Variants in NFXL1 observed in about 807,000 individuals in gnomAD.
NFXL1 encodes nuclear transcription factor, X-box binding like 1.
In NFXL1, 66 loss-of-function variants were observed where a neutral mutation model predicts 123.3. That is an observed-to-expected ratio of 0.54 (90% CI 0.44 to 0.66). The LOEUF (loss-of-function observed/expected upper bound fraction) is 0.66, where lower values mean the gene tolerates loss of function less well. Ranked by LOEUF, NFXL1 falls within the 30% of genes least tolerant of loss-of-function variation. The pLI is 0.00. For missense variants in NFXL1, 944 were observed against 1,125.6 expected (o/e 0.84, Z 2.31); for synonymous variants, 346 against 360.8 (o/e 0.96, Z 0.46).
chr4:47,883,748 TCAGTTGTAGACAA>T (rs978817237), intron 15 of NFXL1, among the ~76,000 whole-genome samples: 1 of 152,234 alleles, frequency 6.6e-6, no homozygotes, highest in African/African-American at 2.4e-5. Context: ...ATTTGGCACC[TCAGTTGTAGACAA>T]CAGCCCCTTT....
rs1383457041 is a variant in NFXL1, at chr4:47,912,995, C to G, written c.235+974G>C. ...GCCACTGCACTCCAGCCTGGGCGAC[C>G]AGCGAGACTCTGTCTCAAAAAAAAA... On this transcript the variant is annotated intron_variant, in intron 2 of 22. Transcript: ENST00000507489. Among the ~76,000 whole-genome samples the G allele has an allele frequency of 2.8e-3, 359 of 127,042 alleles. 3 individuals are homozygous for G. The highest frequency in any genetic ancestry group is 0.01 in the African/African-American group (347 of 33,868). The allele number at this position is 127,042 out of a possible 152,430, so 83.3% of individuals were successfully genotyped here. A position where few individuals can be genotyped will look rare whatever the true frequency, so the allele number is the denominator to read the frequency against.
rs1322882076 is a variant in NFXL1, at chr4:47,879,123, A to T, written c.1917-6T>A. On this transcript the variant is annotated splice_region_variant and splice_polypyrimidine_tract_variant and intron_variant, in intron 15 of 22. Transcript: ENST00000507489. ...CATGTTTCCCAAGACATTCCCTACA[A>T]GGAAAAAATAAAATAAAATGAAAAC... 1 of 1,310,050 alleles carries T rather than the reference A, an allele frequency of 7.6e-7. No homozygotes were observed. The highest frequency in any genetic ancestry group is 1.6e-5 in the African/African-American group (1 of 64,410). 81.2% of individuals were successfully genotyped at this position (1,310,050 alleles called of 1,614,324 possible).
rs529643360 is a variant in NFXL1, at chr4:47,903,339, C to T, written c.517-16G>A. On this transcript the variant is annotated splice_polypyrimidine_tract_variant and intron_variant, in intron 4 of 22. Transcript: ENST00000507489. ...AGCTCCAAACCTAAGACAAATGTAT[C>T]AGAAGTTAATATATGTTAATTTTTC... 18 of 1,478,114 alleles carry T rather than the reference C, an allele frequency of 1.2e-5. No individual in the cohort carries two copies. In the East Asian group the frequency reaches 3.6e-4, roughly 30 times the overall value. The allele number at this position is 1,478,114 out of a possible 1,614,324, so 91.6% of individuals were successfully genotyped here.
intron 19 of NFXL1, among the ~76,000 whole-genome samples, chr4:47,859,873 AAC>A (rs1734651932): frequency 3.9e-5 from 5 of 127,040 alleles, no homozygotes; most frequent in Non-Finnish European, 5.1e-5. Context: ...AAAAAAAACA[AAC>A]AAACAAAAAA....
Position 47,899,448 on chromosome 4 carries a change from G to C in NFXL1, c.748C>G (p.Pro250Ala). ...EDPPLDPWLV[P>A]HSCGQVCERE... ...TCACATACTTGGCCACATGAATGAG[G>C]CACAAGCCACGGATCTAAAGGTGGA... The change falls in exon 6 of 23, where the codon CCT becomes GCT. Residue 250 changes from proline (P) to alanine (A), a missense_variant. Around this residue, in one of 4 missense-constraint regions of NFXL1, gnomAD observed 296 missense variants for 395.1 expected, o/e 0.75. Coordinates refer to ENST00000507489, the MANE Select transcript of NFXL1 (RefSeq NM_001278624.2). 6.2e-7 allele frequency: 1 copy of C among 1,613,602 alleles called. No homozygotes were observed. Among genetic ancestry groups the C allele is most frequent in the Non-Finnish European group, 8.5e-7 (1 of 1,179,580 alleles).
chr4:47,900,809 C>A (rs1407251335), intron 5 of NFXL1, among the ~76,000 whole-genome samples: 1 of 152,054 alleles, frequency 6.6e-6, no homozygotes, highest in African/African-American at 2.4e-5. Context: ...TGTTCTGTTT[C>A]CAAATAAATG....
intron 9 of NFXL1, 174 bp from the exon 10 acceptor site, chr4:47,896,821 T>C (rs1737115068): frequency 1.9e-6 from 1 of 538,684 alleles, no homozygotes; most frequent in African/African-American, 1.9e-5. Flanking sequence ...CTAATATTTG[T>C]GAAGTTTATG....
chr4:47,890,205 T>A (rs1310573821), intron 12 of NFXL1, among the ~76,000 whole-genome samples: 6 of 152,078 alleles, frequency 3.9e-5, no homozygotes, highest in Non-Finnish European at 8.8e-5. Flanking sequence ...ACATATCTAA[T>A]CCTTTACTAG....
At chr4:47,888,380 T>C (rs1008290913) in intron 12 of NFXL1, among the ~76,000 whole-genome samples, 1 of 152,246 alleles carries the variant, frequency 6.6e-6, no homozygotes, top group African/African-American at 2.4e-5. Flanking sequence ...TATGAAGGAT[T>C]CTAGAATGAT....
Position 47,861,626 on chromosome 4 carries a change from AT to A in NFXL1, c.2316+1219del, listed in dbSNP as rs528163539. On this transcript the variant is annotated intron_variant, in intron 19 of 22. Coordinates refer to ENST00000507489, the MANE Select transcript of NFXL1 (RefSeq NM_001278624.2). ...GGAATCTGAATTGGGATAGAATAAAATTTATTTTAACAAGGGAAGTTCAGGA... is the reference window on the plus strand; with the variant it reads ...GGAATCTGAATTGGGATAGAATAAAATTATTTTAACAAGGGAAGTTCAGGA... 8.5e-3 allele frequency among the ~76,000 whole-genome samples: 1,287 copies of A among 151,814 alleles called. 18 individuals carry two copies. The highest frequency in any genetic ancestry group is 0.029 in the African/African-American group (1,199 of 41,416).
At chr4:47,872,461 C>CA (rs34343515) in intron 18 of NFXL1, among the ~76,000 whole-genome samples, 110 of 110,818 alleles carry the variant, frequency 9.9e-4, no homozygotes, top group African/African-American at 2.2e-3. Context: ...GACTCTGTCT[C>CA]AAAAAAAAAA....
At chr4:47,873,707 G>A (rs568371779) in intron 18 of NFXL1, among the ~76,000 whole-genome samples, 1 of 152,328 alleles carries the variant, frequency 6.6e-6, no homozygotes, top group African/African-American at 2.4e-5. Flanking sequence ...AATGAGTACT[G>A]GCTTCAATTT....
At chr4:47,887,160 T>C (rs1358049780) in intron 12 of NFXL1, among the ~76,000 whole-genome samples, 1 of 152,200 alleles carries the variant, frequency 6.6e-6, no homozygotes, top group Non-Finnish European at 1.5e-5. Flanking sequence ...GGTTCTGTCA[T>C]CATCTTAAGG....
At chr4:47,874,821 T>C (rs1735646938) in intron 18 of NFXL1, among the ~76,000 whole-genome samples, 6 of 152,222 alleles carry the variant, frequency 3.9e-5, no homozygotes, top group Admixed American at 3.9e-4. Flanking sequence ...AAAATTCTAA[T>C]TTGACATAGT....
chr4:47,857,627 C>G (rs1246734320), intron 19 of NFXL1, among the ~76,000 whole-genome samples: 1 of 152,094 alleles, frequency 6.6e-6, no homozygotes, highest in Non-Finnish European at 1.5e-5. Flanking sequence ...TCTCTAAACC[C>G]TTCATTTGAC....
rs1286546050 is a variant in NFXL1 at position 47,886,086 on chromosome 4, A to C, written c.1544-87T>G. Reference sequence around the variant, plus strand: ...AAATACATAAATTTAGTATATTCACACAATGGGATACTCTACAACAAGAAT... The same window carrying C: ...AAATACATAAATTTAGTATATTCACCCAATGGGATACTCTACAACAAGAAT... On this transcript the variant is annotated intron_variant, in intron 12 of 22. Coordinates refer to ENST00000507489, the MANE Select transcript of NFXL1 (RefSeq NM_001278624.2). The C allele has an allele frequency of 4.5e-6, 5 of 1,104,834 alleles. No individual in the cohort carries two copies. The East Asian group carries it at 1.2e-4, about 26-fold the overall frequency. 68.4% of individuals were successfully genotyped at this position (1,104,834 alleles called of 1,614,324 possible).
At position 47,875,178 on chromosome 4, in the gene NFXL1, A is replaced by C; in HGVS notation, c.2195T>G (p.Met732Arg). ...CTTACAGTGACATTTTATTCTAAGC[A>C]TCTGAACACAAGGTGGACATTCTCC... The part of the protein sequence containing the change: ...HPGECPPCVQ[M>R]LRIKCHCKIT... The change falls in exon 18 of 23, where the codon ATG becomes AGG. Residue 732 changes from methionine (M) to arginine (R), a missense_variant. Met to Arg is a moderately conservative substitution (Grantham distance 91). Around this residue, in one of 4 missense-constraint regions of NFXL1, gnomAD observed 301 missense variants for 348.0 expected, o/e 0.86. Transcript: ENST00000507489. The C allele has an allele frequency of 6.2e-7, 1 of 1,612,748 alleles. No homozygotes were observed. The highest frequency in any genetic ancestry group is 1.1e-5 in the South Asian group (1 of 91,036).
At chr4:47,886,226 A>G (rs1736420552) in intron 12 of NFXL1, among the ~76,000 whole-genome samples, 1 of 152,214 alleles carries the variant, frequency 6.6e-6, no homozygotes, top group Non-Finnish European at 1.5e-5. Context: ...TGTACTGTTC[A>G]AAATCAGAGT....
chr4:47,854,738 T>G (rs1042615497), intron 20 of NFXL1, among the ~76,000 whole-genome samples: 1 of 151,996 alleles, frequency 6.6e-6, no homozygotes. Context: ...GTGTTCCTTG[T>G]TCAAAGACCT....
Sources: gnomAD v4.1 joint callset for allele counts (sites outside exome capture counted in the v4.1 genomes callset) on GRCh38, gnomAD v4.1.1 for gene constraint, gnomAD v4.1.1 regional missense constraint, MANE v1.5 for transcripts, NCBI Gene and HGNC (gene_info 2026-07-23, HGNC 2026-07-21) for gene names.